SPDYE5: variants seen among roughly 807,000 people sequenced by gnomAD.
SPDYE5 encodes the protein speedy/RINGO cell cycle regulator family member E5, also known as speedy protein E5.
Under a neutral mutation model 48.5 loss-of-function variants are expected in SPDYE5, and 15 were observed. The ratio of observed to expected loss-of-function variants is 0.31; its 90% confidence interval spans 0.21 to 0.48. SPDYE5 has a LOEUF of 0.48. SPDYE5 is among the 20% of genes least tolerant of loss of function. The pLI is 0.99. For missense variants in SPDYE5, 331 were observed against 549.1 expected, an observed-to-expected ratio of 0.60 and a Z score of 3.97; for synonymous variants, 116 against 200.7, an observed-to-expected ratio of 0.58 and a Z score of 3.57.
chr7:75,492,894 C>T (rs1476459130), intron 1 of SPDYE5, among the ~76,000 whole-genome samples: 1 of 152,160 alleles, frequency 6.6e-6, no homozygotes, highest in Non-Finnish European at 1.5e-5. Context: ...CTCCTGGGCT[C>T]AAGTGATCTT....
At position 75,504,089 on chromosome 7, in the gene SPDYE5, C is replaced by T. The variant is rs1481108756; in HGVS notation, c.*1302C>T. 7.9e-4 allele frequency: 120 copies of T among 151,976 alleles called. 1 individual carries two copies. The highest frequency in any genetic ancestry group is 2.7e-3 in the African/African-American group (114 of 41,482). 9.4% of individuals were successfully genotyped at this position (151,976 alleles called of 1,614,324 possible). On this transcript the variant is annotated 3_prime_UTR_variant, in exon 9 of 9. Coordinates refer to ENST00000625065, the MANE Select transcript of SPDYE5 (RefSeq NM_001306141.4). ...ACATTTATAGCTATGTAGTAGTTCC[C>T]CTAAATTCTTGTAAAAATAAATTTT...
At chr7:75,494,656 G>A (rs1363100068) in intron 2 of SPDYE5, among the ~76,000 whole-genome samples, 1 of 152,092 alleles carries the variant, frequency 6.6e-6, no homozygotes, top group African/African-American at 2.4e-5. Flanking sequence ...GGAGGCCAAG[G>A]CAGGCGGATC....
intron 3 of SPDYE5, among the ~76,000 whole-genome samples, chr7:75,495,790 A>G (rs1378594429): frequency 6.6e-6 from 1 of 152,102 alleles, no homozygotes; most frequent in Non-Finnish European, 1.5e-5. Flanking sequence ...CTGTAATCCC[A>G]TTACTTTGGG....
rs1365011611 is a variant in SPDYE5, at chr7:75,494,112, G to A, written c.65G>A (p.Arg22His). 84 of 1,535,372 alleles carry A rather than the reference G, an allele frequency of 5.5e-5. No individual in the cohort carries two copies. Among genetic ancestry groups the A allele is most frequent in the African/African-American group, 8.2e-5 (6 of 73,056 alleles). ...GQITEKITTS[R>H]QPQPQNEQSP... The stretch of plus-strand genomic sequence containing the variant: ...ATTACGGAAAAGATCACGACCAGCC[G>A]TCAACCGCAACCCCAGAATGAGCAG... The change falls in exon 2 of 9, where the codon CGT becomes CAT. Residue 22 changes from arginine to histidine, a missense_variant. By Grantham distance (29) the Arg-to-His change is conservative. Coordinates refer to ENST00000625065, the MANE Select transcript of SPDYE5 (RefSeq NM_001306141.4).
chr7:75,501,581 G>A lies in SPDYE5; in HGVS notation c.975G>A (p.Arg325=), dbSNP rs782754987. Residue 325 remains arginine (R), a synonymous_variant, in exon 7 of 9, where the codon AGG becomes AGA. Coordinates refer to ENST00000625065, the MANE Select transcript of SPDYE5 (RefSeq NM_001306141.4). ...GCCGTTCCATGAACCCGAGGGCCAGGAAGAACCGCTCTCGCATACCCTTGC... is the reference window on the plus strand; with the variant it reads ...GCCGTTCCATGAACCCGAGGGCCAGAAAGAACCGCTCTCGCATACCCTTGC... ...QLGRSMNPRA[R]KNRSRIPLLR... 4 of 1,610,012 alleles carry A rather than the reference G, an allele frequency of 2.5e-6. No individual in the cohort carries two copies. The highest frequency in any genetic ancestry group is 1.1e-5 in the South Asian group (1 of 90,504).
At position 75,503,147 on chromosome 7, in the gene SPDYE5, C is replaced by A. The variant is rs62477728; in HGVS notation, c.*360C>A. Reference sequence around the variant, plus strand: ...CCTCCCTGGGGCGGAACCTGGAGGTCCTGTTTCTTATGGACTTGGTTACCA... The same window carrying A: ...CCTCCCTGGGGCGGAACCTGGAGGTACTGTTTCTTATGGACTTGGTTACCA... On this transcript the variant is annotated 3_prime_UTR_variant, in exon 9 of 9. Coordinates refer to ENST00000625065, the MANE Select transcript of SPDYE5 (RefSeq NM_001306141.4). 215 of 435,254 alleles carry A rather than the reference C, an allele frequency of 4.9e-4. 4 individuals carry two copies. Among genetic ancestry groups the A allele is most frequent in the South Asian group, 3.5e-3 (211 of 59,640 alleles). 27.0% of individuals were successfully genotyped at this position (435,254 alleles called of 1,614,324 possible). A position where few individuals can be genotyped will look rare whatever the true frequency, so the allele number is the denominator to read the frequency against.
chr7:75,497,018 T>C (rs1173965112), intron 4 of SPDYE5, 114 bp downstream of exon 4: 11 of 749,420 alleles, frequency 1.5e-5, no homozygotes, highest in African/African-American at 1.2e-4. Flanking sequence ...GAGCTCTCCA[T>C]GTGGGAGGAA....
Position 75,493,757 on chromosome 7 carries a change from C to T in SPDYE5, c.-291C>T, listed in dbSNP as rs1462084001. On this transcript the variant is annotated 5_prime_UTR_variant, in exon 2 of 9. Transcript: ENST00000625065. Reference sequence around the variant, plus strand: ...TGGAGTCCCTGAAGATGCTTTTGGACAATGGTCTGAGGTTGGGACAGTGGC... The same window carrying T: ...TGGAGTCCCTGAAGATGCTTTTGGATAATGGTCTGAGGTTGGGACAGTGGC... 1.3e-5 allele frequency: 19 copies of T among 1,415,052 alleles called. No individual in the cohort carries two copies. The African/African-American group carries it at 2.3e-4, about 17-fold the overall frequency. The allele number at this position is 1,415,052 out of a possible 1,614,324, so 87.7% of individuals were successfully genotyped here.
In SPDYE5 at chr7:75,495,259, T is replaced by C. The variant is rs1792881910; in HGVS notation, c.264T>C (p.Pro88=). 3 of 1,568,418 alleles carry C rather than the reference T, an allele frequency of 1.9e-6. No homozygotes were observed. The highest frequency in any genetic ancestry group is 1.4e-5 in the African/African-American group (1 of 73,858). ...SAEEPEKELA[P]EPEETWVVEM... is the part of the protein sequence containing the mutation. ...AGGAGCCGGAGAAGGAGCTCGCCCC[T>C]GAACCTGAGGAGACCTGGGTAGTGG... Residue 88 remains proline (P), a synonymous_variant, in exon 3 of 9, where the codon CCT becomes CCC. Transcript: ENST00000625065.
chr7:75,496,410 A>AC (rs1792933839), intron 3 of SPDYE5, among the ~76,000 whole-genome samples: 1 of 111,554 alleles, frequency 9.0e-6, no homozygotes, highest in African/African-American at 3.3e-5. Context: ...ACAACAAAAA[A>AC]AAAAAAAAAA....
chr7:75,493,188 T>C (rs1262378323), intron 1 of SPDYE5, among the ~76,000 whole-genome samples: 2 of 151,672 alleles, frequency 1.3e-5, no homozygotes, highest in East Asian at 3.9e-4. Context: ...TTCAGAGCAA[T>C]ACATATGATA....
chr7:75,501,745 A>C lies in SPDYE5; in HGVS notation c.1139A>C (p.Glu380Ala), dbSNP rs782470972. The C allele has an allele frequency of 1.5e-6, 2 of 1,352,294 alleles. No individual in the cohort carries two copies. Among genetic ancestry groups the C allele is most frequent in the African/African-American group, 3.2e-5 (2 of 62,630 alleles). 83.8% of individuals were successfully genotyped at this position (1,352,294 alleles called of 1,614,324 possible). A position where few individuals can be genotyped will look rare whatever the true frequency, so the allele number is the denominator to read the frequency against. The change falls in exon 7 of 9, where the codon GAG becomes GCG. Residue 380 changes from glutamate (E) to alanine (A), a missense_variant. Transcript: ENST00000625065. ...GGCAGGGCTTGGGTTTCCCCGGAGG[A>C]GTTGGAGGAGGTAGGTGGGGCCTGG... ...MSGRAWVSPEELEEIQAYDPE... is the reference protein window; with the variant it reads ...MSGRAWVSPEALEEIQAYDPE...
intron 3 of SPDYE5, among the ~76,000 whole-genome samples, chr7:75,496,015 CAAAA>C (rs58917345): frequency 2.3e-4 from 15 of 65,796 alleles, no homozygotes; most frequent in African/African-American, 1.7e-4. Flanking sequence ...GACGCTGTGT[CAAAA>C]AAAAAAAAAA....
chr7:75,498,381 C>A (rs1793016914), intron 5 of SPDYE5, among the ~76,000 whole-genome samples: 1 of 151,978 alleles, frequency 6.6e-6, no homozygotes, highest in Non-Finnish European at 1.5e-5. Context: ...GCCTTGGCCT[C>A]CCAAAGTGCT....
Position 75,501,664 on chromosome 7 carries a change from G to A in SPDYE5, c.1058G>A (p.Arg353His), listed in dbSNP as rs374142406. ...ATGAACCTGAGGGCCAGGAAGAACC[G>A]CTCTCAGATAGTCCTGTTCCAGAAA... ...RSMNLRARKN[R>H]SQIVLFQKRR... Residue 353 changes from arginine (R) to histidine (H), a missense_variant, in exon 7 of 9, where the codon CGC becomes CAC. Around this residue, in one of 8 missense-constraint regions of SPDYE5, gnomAD observed 101 missense variants for 104.0 expected, o/e 0.97. Coordinates refer to ENST00000625065, the MANE Select transcript of SPDYE5 (RefSeq NM_001306141.4). 1.8e-5 allele frequency: 29 copies of A among 1,613,530 alleles called. No homozygotes were observed. Among genetic ancestry groups the A allele is most frequent in the South Asian group, 6.6e-5 (6 of 91,052 alleles).
In SPDYE5 at chr7:75,501,677, C is replaced by G. The variant is rs1584743489; in HGVS notation, c.1071C>G (p.Val357=). 6.2e-7 allele frequency: 1 copy of G among 1,613,714 alleles called. No individual in the cohort carries two copies. Among genetic ancestry groups the G allele is most frequent in the Non-Finnish European group, 8.5e-7 (1 of 1,180,052 alleles). ...CCAGGAAGAACCGCTCTCAGATAGTCCTGTTCCAGAAACGTCGGTTCCAGT... is the reference window on the plus strand; with the variant it reads ...CCAGGAAGAACCGCTCTCAGATAGTGCTGTTCCAGAAACGTCGGTTCCAGT... ...LRARKNRSQI[V]LFQKRRFQFF... is the part of the protein sequence containing the mutation. The change falls in exon 7 of 9, where the codon GTC becomes GTG. Residue 357 remains valine, a synonymous_variant. Coordinates refer to ENST00000625065, the MANE Select transcript of SPDYE5 (RefSeq NM_001306141.4).
chr7:75,491,751 C>T (rs1340108548), upstream of SPDYE5, among the ~76,000 whole-genome samples: 378 of 125,904 alleles, frequency 3.0e-3, 3 homozygotes, highest in Non-Finnish European at 3.6e-3. Context: ...CTCGCTCTGT[C>T]ACCCAGGCTG....
Position 75,493,839 on chromosome 7 carries a change from G to A in SPDYE5, c.-209G>A. On this transcript the variant is annotated 5_prime_UTR_variant, in exon 2 of 9. The change creates a new upstream start codon in the 5' untranslated region. Transcript: ENST00000625065. The stretch of plus-strand genomic sequence containing the variant: ...CAAGAGATCAGCCTGGCAGTTACAT[G>A]TGTTTTTTTTCAAACTGGTTGCCAG... 4.2e-6 allele frequency: 6 copies of A among 1,440,072 alleles called. No homozygotes were observed. In the South Asian group the frequency reaches 7.4e-5, roughly 18 times the overall value. The allele number at this position is 1,440,072 out of a possible 1,614,324, so 89.2% of individuals were successfully genotyped here.
intron 6 of SPDYE5, among the ~76,000 whole-genome samples, chr7:75,500,626 T>C (rs1489794830): frequency 6.6e-6 from 1 of 151,428 alleles, no homozygotes; most frequent in African/African-American, 2.4e-5. Flanking sequence ...CTCCATATCC[T>C]GGGCTCAAGC....
Sources: allele counts gnomAD v4.1 joint callset (sites outside exome capture counted in the v4.1 genomes callset), GRCh38; gene constraint gnomAD v4.1.1; regional missense constraint gnomAD v4.1.1; transcripts MANE v1.5; gene names NCBI Gene and HGNC (gene_info 2026-07-23, HGNC 2026-07-21).